Variants in FRMD3 observed in about 807,000 individuals in gnomAD.
FRMD3 encodes the protein FERM domain-containing protein 3.
A neutral mutation model predicts 70.2 loss-of-function variants in FRMD3; 33 were observed. That is an observed-to-expected ratio of 0.47 (90% CI 0.36 to 0.63). The LOEUF is 0.63. Among genes scored for constraint, FRMD3 ranks in the 20% least tolerant of loss-of-function variants. The pLI, the probability that FRMD3 is intolerant of heterozygous loss-of-function variation, is 0.00. For missense variants in FRMD3, 632 were observed against 711.4 expected, an observed-to-expected ratio of 0.89 and a Z score of 1.27; for synonymous variants, 279 against 255.9, an observed-to-expected ratio of 1.09 and a Z score of -0.86.
At chr9:83,488,132 CA>C (rs77467354) in intron 1 of FRMD3, among the ~76,000 whole-genome samples, 71 of 151,188 alleles carry the variant, frequency 4.7e-4, no homozygotes, top group Non-Finnish European at 9.2e-4. Context: ...GCCTCCTTTT[CA>C]AAAAAAAATT....
intron 1 of FRMD3, among the ~76,000 whole-genome samples, chr9:83,487,615 C>T (rs1828716405): frequency 6.6e-6 from 1 of 152,168 alleles, no homozygotes; most frequent in Non-Finnish European, 1.5e-5. Context: ...CAGCCCTAGC[C>T]AGTTCCTGGG....
rs200868545 is a variant in FRMD3, at chr9:83,393,951, T to TG, written c.148-4244_148-4243insC. 4.8e-4 allele frequency among the ~76,000 whole-genome samples: 73 copies of TG among 151,126 alleles called. 1 individual carries two copies. Among genetic ancestry groups the TG allele is most frequent in the African/African-American group, 1.6e-3 (67 of 40,822 alleles). ...TTTTGTTTTTTTTTGTTGTTGTTGT[T>TG]TTTTTTTACAAATATTGGTCCAAAG... On this transcript the variant is annotated intron_variant, in intron 1 of 13. Transcript: ENST00000304195.
intron 3 of FRMD3, among the ~76,000 whole-genome samples, chr9:83,352,700 C>G (rs1824200731): frequency 6.6e-6 from 1 of 152,182 alleles, no homozygotes; most frequent in South Asian, 2.1e-4. Context: ...TGGCCTTCAC[C>G]AGCCGGCCCC....
At chr9:83,420,061 C>T (rs949609361) in intron 1 of FRMD3, among the ~76,000 whole-genome samples, 1 of 152,160 alleles carries the variant, frequency 6.6e-6, no homozygotes, top group South Asian at 2.1e-4. Context: ...ATAAAACAGA[C>T]AGCAGTTGCC....
chr9:83,486,068 T>C (rs142709387), intron 1 of FRMD3, among the ~76,000 whole-genome samples: 3 of 152,196 alleles, frequency 2.0e-5, no homozygotes, highest in Admixed American at 2.0e-4. Flanking sequence ...TATAATATAT[T>C]AATGAACAAT....
At chr9:83,336,947 A>G (rs1823600462) in intron 5 of FRMD3, among the ~76,000 whole-genome samples, 1 of 152,012 alleles carries the variant, frequency 6.6e-6, no homozygotes, top group South Asian at 2.1e-4. Flanking sequence ...CACTGACTAC[A>G]AAGTGGTTCT....
At chr9:83,289,934 C>T (rs113714972) in intron 13 of FRMD3, among the ~76,000 whole-genome samples, 7 of 152,248 alleles carry the variant, frequency 4.6e-5, no homozygotes, top group African/African-American at 1.4e-4. Context: ...TAGAAACACA[C>T]ATATTATTAT....
intron 12 of FRMD3, among the ~76,000 whole-genome samples, chr9:83,296,113 AGAG>A (rs1834652428): frequency 6.6e-6 from 1 of 152,214 alleles, no homozygotes; most frequent in Non-Finnish European, 1.5e-5. Flanking sequence ...GCCCACCACA[AGAG>A]GAGAGCTTAT....
intron 10 of FRMD3, among the ~76,000 whole-genome samples, chr9:83,308,135 C>T (rs1372309788): frequency 1.3e-5 from 2 of 152,118 alleles, no homozygotes; most frequent in Admixed American, 6.5e-5. Context: ...CTGGGTTTTC[C>T]CAGGGCTGAT....
rs560257635 is a variant in FRMD3 at position 83,385,794 on chromosome 9, GTC to G, written c.252+3808_252+3809del. On this transcript the variant is annotated intron_variant, in intron 2 of 13. Coordinates refer to ENST00000304195, the MANE Select transcript of FRMD3 (RefSeq NM_174938.6). The stretch of plus-strand genomic sequence containing the variant: ...CTGTTTAAAATGTCCATACCAGCAT[GTC>G]TCTGTTTATGTCTTTGAGTCCATTT... 5.9e-5 allele frequency among the ~76,000 whole-genome samples: 9 copies of G among 152,006 alleles called. No individual in the cohort carries two copies. The East Asian group carries it at 1.7e-3, about 29-fold the overall frequency.
chr9:83,538,398 C>A lies in FRMD3; in HGVS notation c.-167G>T. 1 of 489,940 alleles carries A rather than the reference C, an allele frequency of 2.0e-6. No homozygotes were observed. Among genetic ancestry groups the A allele is most frequent in the Non-Finnish European group, 3.2e-6 (1 of 313,088 alleles). 30.3% of individuals were successfully genotyped at this position (489,940 alleles called of 1,614,324 possible). A position where few individuals can be genotyped will look rare whatever the true frequency, so the allele number is the denominator to read the frequency against. On this transcript the variant is annotated 5_prime_UTR_variant, in exon 1 of 14. Coordinates refer to ENST00000304195, the MANE Select transcript of FRMD3 (RefSeq NM_174938.6). The surrounding 1 kb of genome is among the most constrained non-coding windows in gnomAD (Gnocchi z 4.7). ...ACACACATGCCCAGCGGCCGGGGCG[C>A]GGCGGGCGGGTCCCTCCCTCTGTTC... is the stretch of plus-strand genomic sequence containing the variant.
At chr9:83,557,659 G>T in the FRMD3 span, among the ~76,000 whole-genome samples, 1 of 152,146 alleles carries the variant, frequency 6.6e-6, no homozygotes, top group Non-Finnish European at 1.5e-5. Context: ...CTAATTAGAA[G>T]GCCCAAAGAG....
chr9:83,282,776 C>A (rs922315733), intron 13 of FRMD3, among the ~76,000 whole-genome samples: 1 of 152,212 alleles, frequency 6.6e-6, no homozygotes, highest in African/African-American at 2.4e-5. Context: ...TGCTATGCTT[C>A]CACTGCGGAA....
At chr9:83,479,781 G>GGGAGGGAA (rs1485358192) in intron 1 of FRMD3, among the ~76,000 whole-genome samples, 1 of 17,366 alleles carries the variant, frequency 5.8e-5, no homozygotes, top group South Asian at 1.6e-3. Context: ...GAGGGAGGGA[G>GGGAGGGAA]GGAGGGAAGG....
intron 1 of FRMD3, among the ~76,000 whole-genome samples, chr9:83,473,357 C>CG (rs1467840063): frequency 6.6e-6 from 1 of 152,162 alleles, no homozygotes; most frequent in Non-Finnish European, 1.5e-5. Context: ...CACATGACTC[C>CG]GGTCCAGTCC....
intron 10 of FRMD3, among the ~76,000 whole-genome samples, chr9:83,299,527 A>C (rs1249105453): frequency 1.3e-5 from 2 of 152,196 alleles, no homozygotes; most frequent in Non-Finnish European, 2.9e-5. Context: ...TTCTATCTGA[A>C]GATATGGAGA....
Position 83,473,524 on chromosome 9 carries a change from A to G in FRMD3, c.147+64561T>C, listed in dbSNP as rs527990968. On this transcript the variant is annotated intron_variant, in intron 1 of 13. Coordinates refer to ENST00000304195, the MANE Select transcript of FRMD3 (RefSeq NM_174938.6). ...TAAACTCCAAGTTTCGTAGAAACAG[A>G]AAGTACATCATACACTTTCTATCTT... 1.1e-4 allele frequency among the ~76,000 whole-genome samples: 16 copies of G among 152,340 alleles called. No homozygotes were observed. The South Asian group carries it at 3.1e-3, about 30-fold the overall frequency.
intron 6 of FRMD3, among the ~76,000 whole-genome samples, chr9:83,316,372 G>A (rs1232526370): frequency 3.3e-5 from 5 of 152,070 alleles, no homozygotes; most frequent in Non-Finnish European, 7.4e-5. Context: ...AGCCAGGCTA[G>A]TCTTGAAGTC....
chr9:83,529,367 A>T (rs1386502262), intron 1 of FRMD3, among the ~76,000 whole-genome samples: 1 of 152,228 alleles, frequency 6.6e-6, no homozygotes, highest in Non-Finnish European at 1.5e-5. Context: ...TAATAGATAC[A>T]GATTTATTCT....
Sources: allele counts gnomAD v4.1 joint callset (sites outside exome capture counted in the v4.1 genomes callset), GRCh38; gene constraint gnomAD v4.1.1; non-coding constraint Gnocchi (gnomAD v3.1); transcripts MANE v1.5; gene names NCBI Gene and HGNC (gene_info 2026-07-23, HGNC 2026-07-21).